Variants in RFTN1 observed in about 807,000 individuals in gnomAD.
RFTN1 encodes the protein raftlin, lipid raft linker 1.
In RFTN1, 26 loss-of-function variants were observed where a neutral mutation model predicts 46.5. The observed-to-expected ratio is 0.56, with a 90% CI of 0.41 to 0.78. RFTN1 has a LOEUF of 0.78. Ranked by LOEUF, RFTN1 falls within the 30% of genes least tolerant of loss-of-function variation. The probability of loss-of-function intolerance (pLI) is 0.00; values close to 1 mark genes in which losing one functional copy is unlikely to be tolerated. For missense variants in RFTN1, 693 were observed against 718.7 expected, an observed-to-expected ratio of 0.96 and a Z score of 0.41; for synonymous variants, 261 against 284.2, an observed-to-expected ratio of 0.92 and a Z score of 0.82.
In RFTN1 at chr3:16,316,671, G is replaced by T; in HGVS notation, c.*157C>A. 1.3e-6 allele frequency: 1 copy of T among 788,106 alleles called. No individual in the cohort carries two copies. Among genetic ancestry groups the T allele is most frequent in the Non-Finnish European group, 2.1e-6 (1 of 472,630 alleles). The allele number at this position is 788,106 out of a possible 1,614,324, so 48.8% of individuals were successfully genotyped here. A position where few individuals can be genotyped will look rare whatever the true frequency, so the allele number is the denominator to read the frequency against. ...CAAAAACCAACACTGTCAGGAACCT[G>T]GCCCTGGGAGGGCTCAGGTGAGCTC... On this transcript the variant is annotated 3_prime_UTR_variant, in exon 10 of 10. Coordinates refer to ENST00000334133, the MANE Select transcript of RFTN1 (RefSeq NM_015150.2). The surrounding 1 kb of genome is among the most constrained non-coding windows in gnomAD (Gnocchi z 4.5).
intron 3 of RFTN1, among the ~76,000 whole-genome samples, chr3:16,417,346 C>T (rs1043468792): frequency 6.6e-6 from 1 of 152,018 alleles, no homozygotes; most frequent in Non-Finnish European, 1.5e-5. Flanking sequence ...TCTTTAACAC[C>T]TTATATCTAG....
At chr3:16,441,854 T>C (rs2125513155) in intron 2 of RFTN1, among the ~76,000 whole-genome samples, 1 of 152,360 alleles carries the variant, frequency 6.6e-6, no homozygotes, top group East Asian at 1.9e-4. Context: ...CCTTCAAGAC[T>C]GCTAGTGCCA....
In RFTN1 at chr3:16,353,110, A is replaced by T. The variant is rs535713586; in HGVS notation, c.1146+4822T>A. ...AGACATGAGAAAGAGCTGGGCAGGG[A>T]CGTTTTGTGGTCGGAGAGCTAGAGA... On this transcript the variant is annotated intron_variant, in intron 7 of 9. Transcript: ENST00000334133. This position sits in a 1 kb window ranked among gnomAD's most constrained non-coding sequence, Gnocchi z 5.4. Among the ~76,000 whole-genome samples the T allele has an allele frequency of 3.3e-5, 5 of 152,260 alleles. No homozygotes were observed. The highest frequency in any genetic ancestry group is 4.8e-5 in the African/African-American group (2 of 41,542).
At position 16,323,209 on chromosome 3, in the gene RFTN1, G is replaced by A. The variant is rs1169987685; in HGVS notation, c.1332+167C>T. On this transcript the variant is annotated intron_variant, in intron 9 of 9. Coordinates refer to ENST00000334133, the MANE Select transcript of RFTN1 (RefSeq NM_015150.2). ...GCCCTCCAGTCCCCTCAGCTGTCCC[G>A]TTTTAGCAGCCTGAGATGTGATTCG... 4.3e-4 allele frequency among the ~76,000 whole-genome samples: 65 copies of A among 152,118 alleles called. 1 individual carries two copies.
In RFTN1 at chr3:16,480,789, C is replaced by A. The variant is rs1239955427; in HGVS notation, c.145+12936G>T. Among the ~76,000 whole-genome samples, 1 of 152,172 alleles carries A rather than the reference C, an allele frequency of 6.6e-6. No homozygotes were observed. Among genetic ancestry groups the A allele is most frequent in the Non-Finnish European group, 1.5e-5 (1 of 68,032 alleles). On this transcript the variant is annotated intron_variant, in intron 2 of 9. Coordinates refer to ENST00000334133, the MANE Select transcript of RFTN1 (RefSeq NM_015150.2). The surrounding 1 kb of genome is among the most constrained non-coding windows in gnomAD (Gnocchi z 4.3). The stretch of plus-strand genomic sequence containing the variant: ...ATTAGTAGGGTGCATAGAATATTAA[C>A]TTGTTTTCTGTTCCGCTTTAACCAA...
At chr3:16,364,620 C>T (rs544923132) in intron 6 of RFTN1, among the ~76,000 whole-genome samples, 5 of 152,088 alleles carry the variant, frequency 3.3e-5, no homozygotes, top group Admixed American at 2.6e-4. Context: ...TGTTTGGGGC[C>T]ACATCTGTGC....
rs778677280 is a variant in RFTN1 at position 16,500,724 on chromosome 3, T to G, written c.-8-6847A>C. Among the ~76,000 whole-genome samples, 7 of 152,216 alleles carry G rather than the reference T, an allele frequency of 4.6e-5. No homozygotes were observed. Among genetic ancestry groups the G allele is most frequent in the Admixed American group, 2.6e-4 (4 of 15,286 alleles). ...TCTCTTTGGTAAGCGGTGGATCAGC[T>G]TCTTACAGGAGCTATCAGTTCCATG... On this transcript the variant is annotated intron_variant, in intron 1 of 9. Transcript: ENST00000334133. The surrounding 1 kb of genome is among the most constrained non-coding windows in gnomAD (Gnocchi z 5.9).
chr3:16,464,575 A>G (rs775605852), intron 2 of RFTN1, among the ~76,000 whole-genome samples: 8 of 152,258 alleles, frequency 5.3e-5, no homozygotes, highest in Non-Finnish European at 1.2e-4. Context: ...ATATAAACTA[A>G]TAATAAGAAG....
rs989310797 is a variant in RFTN1, at chr3:16,382,514, T to A, written c.442-4412A>T. 1.3e-5 allele frequency among the ~76,000 whole-genome samples: 2 copies of A among 152,204 alleles called. No individual in the cohort carries two copies. The highest frequency in any genetic ancestry group is 2.9e-5 in the Non-Finnish European group (2 of 68,030). On this transcript the variant is annotated intron_variant, in intron 4 of 9. Transcript: ENST00000334133. This position sits in a 1 kb window ranked among gnomAD's most constrained non-coding sequence, Gnocchi z 4.7. ...CCCGGCTGCCAGCTCTCCTCCACTC[T>A]ACACTCCCCTTGGTGACTTCCTCTA...
chr3:16,419,134 A>C (rs1296651127), intron 3 of RFTN1, among the ~76,000 whole-genome samples: 1 of 152,236 alleles, frequency 6.6e-6, no homozygotes, highest in Non-Finnish European at 1.5e-5. Context: ...TAAATAGGTC[A>C]GTTAGGCAAA....
At position 16,325,281 on chromosome 3, in the gene RFTN1, G is replaced by C. The variant is rs376989400; in HGVS notation, c.1250+1492C>G. Among the ~76,000 whole-genome samples, 116 of 152,098 alleles carry C rather than the reference G, an allele frequency of 7.6e-4. 2 individuals are homozygous for C. The South Asian group carries it at 0.017, about 23-fold the overall frequency. On this transcript the variant is annotated intron_variant, in intron 8 of 9. Coordinates refer to ENST00000334133, the MANE Select transcript of RFTN1 (RefSeq NM_015150.2). ...AAGAGCAGGCTGGAGATCACACAGT[G>C]AGGATTCAAACACAGATCTACCCAG... is the stretch of plus-strand genomic sequence containing the variant.
Position 16,493,871 on chromosome 3 carries a change from T to A in RFTN1, c.-2A>T. ...TAACTTGTTCAATCCGCAACCCATT[T>A]CAGCAGCTGCTGGCCAAAGGAAAAA... On this transcript the variant is annotated 5_prime_UTR_variant, in exon 2 of 10. An upstream open reading frame in the 5' UTR loses its in-frame stop. Transcript: ENST00000334133. 1 of 1,614,200 alleles carries A rather than the reference T, an allele frequency of 6.2e-7. No homozygotes were observed. The highest frequency in any genetic ancestry group is 1.1e-5 in the South Asian group (1 of 91,084).
rs1326233991 is a variant in RFTN1, at chr3:16,402,612, A to G, written c.441+6763T>C. Among the ~76,000 whole-genome samples the G allele has an allele frequency of 6.6e-6, 1 of 152,186 alleles. No homozygotes were observed. Among genetic ancestry groups the G allele is most frequent in the Non-Finnish European group, 1.5e-5 (1 of 68,028 alleles). Reference sequence around the variant, plus strand: ...TGTAGAAATGAAACTCTGAATACTCAACAATCAGCCAGAAAGTAAATGATG... The same window carrying G: ...TGTAGAAATGAAACTCTGAATACTCGACAATCAGCCAGAAAGTAAATGATG... On this transcript the variant is annotated intron_variant, in intron 4 of 9. Coordinates refer to ENST00000334133, the MANE Select transcript of RFTN1 (RefSeq NM_015150.2). This position sits in a 1 kb window ranked among gnomAD's most constrained non-coding sequence, Gnocchi z 4.5.
rs756505032 is a variant in RFTN1 at position 16,376,436 on chromosome 3, C to CAGA, written c.826+1279_826+1281dup. Among the ~76,000 whole-genome samples the CAGA allele has an allele frequency of 6.6e-6, 1 of 152,144 alleles. No homozygotes were observed. The highest frequency in any genetic ancestry group is 1.5e-5 in the Non-Finnish European group (1 of 68,014). On this transcript the variant is annotated intron_variant, in intron 5 of 9. Transcript: ENST00000334133. The surrounding 1 kb of genome is among the most constrained non-coding windows in gnomAD (Gnocchi z 4.7). ...CGCCCTCCCACAGTCCTGGACCGTA[C>CAGA]AGAAGGACTCCAGTGAGGTCCATCT...
rs138527155 is a variant in RFTN1 at position 16,434,361 on chromosome 3, TAAACAAACAAAC to T, written c.146-336_146-325del. ...CAACATAGTAAAACTCGGTCTCTCT[TAAACAAACAAAC>T]AAACAAACAAACAAACAAACAAAAA... On this transcript the variant is annotated intron_variant, in intron 2 of 9. Coordinates refer to ENST00000334133, the MANE Select transcript of RFTN1 (RefSeq NM_015150.2). Among the ~76,000 whole-genome samples the T allele has an allele frequency of 1.2e-3, 161 of 138,152 alleles. 2 individuals carry two copies. The East Asian group carries it at 0.026, about 23-fold the overall frequency. 90.6% of individuals were successfully genotyped at this position (138,152 alleles called of 152,430 possible).
At position 16,341,780 on chromosome 3, in the gene RFTN1, A is replaced by C. The variant is rs927194948; in HGVS notation, c.1147-14904T>G. On this transcript the variant is annotated intron_variant, in intron 7 of 9. Transcript: ENST00000334133. The surrounding 1 kb of genome is among the most constrained non-coding windows in gnomAD (Gnocchi z 4.7). ...AAGTACTCTATGGCCATTACAAATA[A>C]TGAAGTAAAAGCCTAATAACAGAAA... 6.6e-6 allele frequency among the ~76,000 whole-genome samples: 1 copy of C among 152,228 alleles called. No individual in the cohort carries two copies. Among genetic ancestry groups the C allele is most frequent in the Non-Finnish European group, 1.5e-5 (1 of 68,032 alleles).
chr3:16,317,127 T>C lies in RFTN1; in HGVS notation c.1438A>G (p.Asn480Asp). 6.2e-7 allele frequency: 1 copy of C among 1,613,842 alleles called. No homozygotes were observed. Among genetic ancestry groups the C allele is most frequent in the Admixed American group, 1.7e-5 (1 of 59,982 alleles). ...GCTTTGGAAGACTGGTCTTCTAAGT[T>C]CTTCTCATTTTCTTCTGCTTGTTGT... ...DKQQAEENEK[N>D]LEDQSSKAGD... The change falls in exon 10 of 10, where the codon AAC (asparagine) becomes GAC (aspartate). Residue 480 changes from asparagine to aspartate, a missense_variant. Asn to Asp is a conservative substitution (Grantham distance 23, BLOSUM62 1). Coordinates refer to ENST00000334133, the MANE Select transcript of RFTN1 (RefSeq NM_015150.2). This position sits in a 1 kb window ranked among gnomAD's most constrained non-coding sequence, Gnocchi z 4.3.
At position 16,432,987 on chromosome 3, in the gene RFTN1, G is replaced by C. The variant is rs544509940; in HGVS notation, c.332+864C>G. Among the ~76,000 whole-genome samples, 37 of 152,276 alleles carry C rather than the reference G, an allele frequency of 2.4e-4. 1 individual carries two copies. The highest frequency in any genetic ancestry group is 2.0e-3 in the Admixed American group (30 of 15,292). ...CAAATGCTTTGTCTACCTGCAAAGT[G>C]ACTTTAAAAGGAGAGAACAAGGAGG... On this transcript the variant is annotated intron_variant, in intron 3 of 9. Coordinates refer to ENST00000334133, the MANE Select transcript of RFTN1 (RefSeq NM_015150.2).
rs57242614 is a variant in RFTN1, at chr3:16,443,750, AAC to A, written c.146-9715_146-9714del. On this transcript the variant is annotated intron_variant, in intron 2 of 9. Transcript: ENST00000334133. The surrounding 1 kb of genome is among the most constrained non-coding windows in gnomAD (Gnocchi z 5.5). ...CACACATAGTCAATGAATTACACAC[AAC>A]ACACACACACACACACACACACACA... Among the ~76,000 whole-genome samples, 13,524 of 145,238 alleles carry A rather than the reference AAC, an allele frequency of 0.093. 753 individuals carry two copies. Among genetic ancestry groups the A allele is most frequent in the East Asian group, 0.22 (1,099 of 4,982 alleles).
Sources: gnomAD v4.1 joint callset for allele counts (sites outside exome capture counted in the v4.1 genomes callset) on GRCh38, gnomAD v4.1.1 for gene constraint, Gnocchi (gnomAD v3.1) non-coding constraint, MANE v1.5 for transcripts, NCBI Gene and HGNC (gene_info 2026-07-23, HGNC 2026-07-21) for gene names.